QTMAN: variants seen among roughly 807,000 people sequenced by gnomAD.
The protein encoded by QTMAN is queuosine-tRNA mannosyltransferase, also known as tRNA-queuosine alpha-mannosyltransferase.
the QTMAN span, among the ~76,000 whole-genome samples, chr2:143,977,123 T>C: frequency 1.4e-4 from 22 of 152,358 alleles, no homozygotes; most frequent in African/African-American, 4.1e-4. Context: ...ATTTTAATGT[T>C]ATAAATTTTA....
At chr2:144,156,153 C>G in the QTMAN span, among the ~76,000 whole-genome samples, 1 of 152,026 alleles carries the variant, frequency 6.6e-6, no homozygotes, top group South Asian at 2.1e-4. Context: ...ATTTGTTATG[C>G]TTCTCATAGA....
chr2:144,175,521 A>G, the QTMAN span, among the ~76,000 whole-genome samples: 1 of 152,170 alleles, frequency 6.6e-6, no homozygotes, highest in Non-Finnish European at 1.5e-5. Flanking sequence ...CCTACCCTCC[A>G]AATAAGGCAC....
the QTMAN span, among the ~76,000 whole-genome samples, chr2:144,114,685 TACAAAACAAAACAAA>T: frequency 1.5e-3 from 225 of 149,708 alleles, no homozygotes; most frequent in African/African-American, 2.6e-3. Context: ...GTGCCCACAC[TACAAAACAAAACAAA>T]ACAAAACAAA....
At chr2:144,145,108 T>TTA in the QTMAN span, among the ~76,000 whole-genome samples, 2 of 109,056 alleles carry the variant, frequency 1.8e-5, no homozygotes, top group Admixed American at 9.6e-5. Context: ...TCTTACAATT[T>TTA]AAAAAAAAAA....
chr2:144,100,115 A>C, the QTMAN span, among the ~76,000 whole-genome samples: 1 of 152,190 alleles, frequency 6.6e-6, no homozygotes, highest in African/African-American at 2.4e-5. Flanking sequence ...CCTGAAATTA[A>C]AGTCTATCTT....
At chr2:144,000,555 T>C in the QTMAN span, among the ~76,000 whole-genome samples, 1 of 152,076 alleles carries the variant, frequency 6.6e-6, no homozygotes, top group Non-Finnish European at 1.5e-5. Flanking sequence ...CAAAGAGCTA[T>C]TGGTCATTAT....
At chr2:143,991,845 G>A in the QTMAN span, among the ~76,000 whole-genome samples, 10 of 147,478 alleles carry the variant, frequency 6.8e-5, no homozygotes, top group Non-Finnish European at 3.0e-5. Flanking sequence ...ACCTCTGCCC[G>A]GCCGCCCCTA....
At chr2:144,140,912 A>AAT in the QTMAN span, among the ~76,000 whole-genome samples, 5 of 152,014 alleles carry the variant, frequency 3.3e-5, no homozygotes, top group Admixed American at 3.3e-4. Context: ...TCTTCGATGA[A>AAT]ATATTAACAA....
At chr2:144,101,383 CTA>C in the QTMAN span, among the ~76,000 whole-genome samples, 2 of 125,346 alleles carry the variant, frequency 1.6e-5, no homozygotes, top group African/African-American at 7.1e-5. Context: ...CAAATCATGT[CTA>C]TCTCTCTCTC....
chr2:144,118,209 T>C, the QTMAN span, among the ~76,000 whole-genome samples: 1 of 152,182 alleles, frequency 6.6e-6, no homozygotes. Context: ...TTGAAATGTG[T>C]TATTGTCTTT....
chr2:144,161,198 G>A, the QTMAN span, among the ~76,000 whole-genome samples: 1 of 152,180 alleles, frequency 6.6e-6, no homozygotes, highest in East Asian at 1.9e-4. Flanking sequence ...CTTCTTTCTT[G>A]TATTTATTTA....
the QTMAN span, among the ~76,000 whole-genome samples, chr2:144,074,705 A>C: frequency 6.6e-6 from 1 of 152,230 alleles, no homozygotes; most frequent in Admixed American, 6.5e-5. Flanking sequence ...GACCACACGC[A>C]GACAGTTAGT....
chr2:144,244,196 T>C, the QTMAN span, among the ~76,000 whole-genome samples: 3 of 152,210 alleles, frequency 2.0e-5, no homozygotes, highest in East Asian at 1.9e-4. Flanking sequence ...AAAAATTGAA[T>C]GGGCATAAAC....
chr2:144,118,806 G>C, the QTMAN span, among the ~76,000 whole-genome samples: 2 of 152,146 alleles, frequency 1.3e-5, no homozygotes, highest in African/African-American at 4.8e-5. Flanking sequence ...GTGTGAACCT[G>C]GGAGGCGAAG....
At chr2:144,020,192 G>A in the QTMAN span, among the ~76,000 whole-genome samples, 3 of 152,154 alleles carry the variant, frequency 2.0e-5, no homozygotes, top group East Asian at 5.8e-4. Flanking sequence ...GGGGAGGGTG[G>A]GGTCCCTGGC....
the QTMAN span, among the ~76,000 whole-genome samples, chr2:144,213,141 G>C: frequency 3.5e-3 from 526 of 152,200 alleles, no homozygotes; most frequent in African/African-American, 0.012. Context: ...TAAGATCACA[G>C]AGAACAAAAG....
At chr2:144,177,727 G>A in the QTMAN span, among the ~76,000 whole-genome samples, 2 of 152,072 alleles carry the variant, frequency 1.3e-5, no homozygotes, top group Non-Finnish European at 2.9e-5. Flanking sequence ...TTCCATATAT[G>A]TCATAGCTTG....
At chr2:143,985,765 C>G in the QTMAN span, among the ~76,000 whole-genome samples, 1 of 152,132 alleles carries the variant, frequency 6.6e-6, no homozygotes. Context: ...ATTTAAGGAG[C>G]AGAACTAAGA....
At chr2:143,947,412 G>C in the QTMAN span, among the ~76,000 whole-genome samples, 1 of 152,006 alleles carries the variant, frequency 6.6e-6, no homozygotes, top group African/African-American at 2.4e-5. Context: ...TTTATGTTAT[G>C]AATGACAACC....
Sources: allele counts gnomAD v4.1 joint callset (sites outside exome capture counted in the v4.1 genomes callset), GRCh38; gene constraint gnomAD v4.1.1; transcripts MANE v1.5; gene names NCBI Gene and HGNC (gene_info 2026-07-23, HGNC 2026-07-21).